SLC29A4: variants seen among roughly 807,000 people sequenced by gnomAD.
SLC29A4 encodes the protein solute carrier family 29 member 4, also known as equilibrative nucleoside transporter 4.
SLC29A4 carries 36 observed loss-of-function variants against 43.9 expected under a neutral mutation model. The observed-to-expected ratio is 0.82, with a 90% CI of 0.63 to 1.08. SLC29A4 has a LOEUF of 1.08. Among genes scored for constraint, SLC29A4 ranks in the 50% least tolerant of loss-of-function variants. SLC29A4 has a pLI of 0.00. For synonymous variants in SLC29A4, 491 were observed against 338.0 expected, an observed-to-expected ratio of 1.45 and a Z score of -4.97; for missense variants, 869 against 755.3, an observed-to-expected ratio of 1.15 and a Z score of -1.77.
Position 5,300,640 on chromosome 7 carries a change from C to T in SLC29A4, c.1428C>T (p.Ser476=), listed in dbSNP as rs1303834396. Residue 476 remains serine, a synonymous_variant, in exon 10 of 11, where the codon AGC becomes AGT. Coordinates refer to ENST00000396872, the MANE Select transcript of SLC29A4 (RefSeq NM_153247.4). Reference sequence around the variant, plus strand: ...TGATCCTGGCGGCAGGCAAAGTGAGCCCCAAGCAGCGGGAGCTGGCAGGTG... The same window carrying T: ...TGATCCTGGCGGCAGGCAAAGTGAGTCCCAAGCAGCGGGAGCTGGCAGGTG... The part of the protein sequence containing the change: ...VPMILAAGKV[S]PKQRELAGNT... The T allele has an allele frequency of 4.4e-6, 7 of 1,609,038 alleles. No homozygotes were observed. In the East Asian group the frequency reaches 8.9e-5, roughly 21 times the overall value.
rs759074721 is a variant in SLC29A4, at chr7:5,299,190, G to GCCC, written c.1022-49_1022-48insCCC. On this transcript the variant is annotated intron_variant, in intron 8 of 10. Transcript: ENST00000396872. ...CCCAGGCAGGGGGTGGGGGAGGCAG[G>GCCC]CAGGGGTCCCCGTGGGCGCTGCCTC... 7 of 1,598,724 alleles carry GCCC rather than the reference G, an allele frequency of 4.4e-6. No individual in the cohort carries two copies. In the East Asian group the frequency reaches 1.6e-4, roughly 36 times the overall value.
intron 9 of SLC29A4, among the ~76,000 whole-genome samples, chr7:5,299,673 G>A (rs576823202): frequency 4.3e-4 from 65 of 152,326 alleles, no homozygotes; most frequent in Non-Finnish European, 7.5e-4. Context: ...TCACCCTCTC[G>A]CCTCACGATC....
intron 1 of SLC29A4, among the ~76,000 whole-genome samples, chr7:5,283,496 G>A (rs948096564): frequency 6.6e-6 from 1 of 152,168 alleles, no homozygotes; most frequent in African/African-American, 2.4e-5. Flanking sequence ...CGGCCCAGGG[G>A]GTCTGTCCTT....
intron 1 of SLC29A4, among the ~76,000 whole-genome samples, chr7:5,285,965 G>A (rs1784917928): frequency 6.6e-6 from 1 of 152,136 alleles, no homozygotes. Context: ...AGTTGTGATC[G>A]CGCCACTGCA....
chr7:5,301,262 G>A (rs59091996), intron 10 of SLC29A4, among the ~76,000 whole-genome samples: 40,542 of 115,552 alleles, frequency 0.35, 6,225 homozygotes, highest in South Asian at 0.6. Context: ...CCTGTCTGGG[G>A]AAAAAAAAAA....
In SLC29A4 at chr7:5,299,265, G is replaced by C; in HGVS notation, c.1047G>C (p.Val349=). 2 of 1,612,248 alleles carry C rather than the reference G, an allele frequency of 1.2e-6. No individual in the cohort carries two copies. The highest frequency in any genetic ancestry group is 1.1e-5 in the South Asian group (1 of 91,030). The part of the protein sequence containing the change: ...FRALLLHRYV[V]ARVIWADMLS... The stretch of plus-strand genomic sequence containing the variant: ...CCCTGTTACTGCACCGCTACGTGGT[G>C]GCGCGGGTGATCTGGGCCGACATGC... Residue 349 remains valine, a synonymous_variant, in exon 9 of 11, where the codon GTG becomes GTC. Transcript: ENST00000396872.
chr7:5,292,848 G>A (rs1785394780), intron 5 of SLC29A4, among the ~76,000 whole-genome samples: 2 of 151,260 alleles, frequency 1.3e-5, no homozygotes, highest in African/African-American at 4.9e-5. Context: ...ACAGGTGCCC[G>A]CCACCATGCC....
In SLC29A4 at chr7:5,306,655, G is replaced by GC. The variant is rs1786529891; in HGVS notation, c.*3717dup. 6.6e-6 allele frequency: 1 copy of GC among 152,158 alleles called. No individual in the cohort carries two copies. The highest frequency in any genetic ancestry group is 1.5e-5 in the Non-Finnish European group (1 of 68,036). The allele number at this position is 152,158 out of a possible 1,614,324, so 9.4% of individuals were successfully genotyped here. A position where few individuals can be genotyped will look rare whatever the true frequency, so the allele number is the denominator to read the frequency against. ...AGCCGATGAGCTCATTTAGATGGCT[G>GC]CATGGGGTCACCGCCCCTGCACGCG... is the stretch of plus-strand genomic sequence containing the variant. On this transcript the variant is annotated 3_prime_UTR_variant, in exon 11 of 11. Transcript: ENST00000396872.
At chr7:5,297,299 C>T (rs1189923899) in intron 7 of SLC29A4, 101 bp downstream of exon 7, 5 of 1,336,102 alleles carry the variant, frequency 3.7e-6, no homozygotes, top group Middle Eastern at 2.4e-4. Context: ...ACCTGCATCC[C>T]AGACTGTGGT....
At chr7:5,299,985 GA>G (rs2128092255) in intron 9 of SLC29A4, among the ~76,000 whole-genome samples, 1 of 152,340 alleles carries the variant, frequency 6.6e-6, no homozygotes, top group South Asian at 2.1e-4. Flanking sequence ...CCAGGAGGTG[GA>G]GGGTGTAGTG....
At chr7:5,293,711 C>T (rs1785459846) in intron 5 of SLC29A4, among the ~76,000 whole-genome samples, 1 of 152,140 alleles carries the variant, frequency 6.6e-6, no homozygotes, top group South Asian at 2.1e-4. Context: ...GTGGTGGGAT[C>T]ATGGTTCACT....
chr7:5,287,244 A>G (rs1466264466), intron 1 of SLC29A4, among the ~76,000 whole-genome samples: 3 of 152,008 alleles, frequency 2.0e-5, no homozygotes, highest in South Asian at 2.1e-4. Flanking sequence ...GAGACCCCCA[A>G]CTCTACAAAA....
At chr7:5,302,537 T>A (rs564686854) in intron 10 of SLC29A4, among the ~76,000 whole-genome samples, 5 of 152,176 alleles carry the variant, frequency 3.3e-5, no homozygotes, top group African/African-American at 9.6e-5. Context: ...AGCAAGACCT[T>A]GTCTTTAAAT....
At position 5,306,285 on chromosome 7, in the gene SLC29A4, G is replaced by C. The variant is rs900486431; in HGVS notation, c.*3346G>C. ...TCTCAACTCACTGCAACCTCCACCC[G>C]CCGGGTCCCTGTGATTTTCCCACCT... On this transcript the variant is annotated 3_prime_UTR_variant, in exon 11 of 11. Coordinates refer to ENST00000396872, the MANE Select transcript of SLC29A4 (RefSeq NM_153247.4). 8.4e-6 allele frequency: 1 copy of C among 118,752 alleles called. No individual in the cohort carries two copies. The allele number at this position is 118,752 out of a possible 1,614,324, so 7.4% of individuals were successfully genotyped here.
Position 5,301,261 on chromosome 7 carries a change from G to GAA in SLC29A4, c.1450+599_1450+600insAA, listed in dbSNP as rs369876573. Among the ~76,000 whole-genome samples the GAA allele has an allele frequency of 9.7e-4, 142 of 146,240 alleles. 1 individual carries two copies. The highest frequency in any genetic ancestry group is 6.6e-3 in the South Asian group (30 of 4,572). ...GGTGACAGAGCAAGATCCTGTCTGG[G>GAA]GAAAAAAAAAAAAAAAATCCCAGAT... On this transcript the variant is annotated intron_variant, in intron 10 of 10. Coordinates refer to ENST00000396872, the MANE Select transcript of SLC29A4 (RefSeq NM_153247.4).
rs771009182 is a variant in SLC29A4 at position 5,300,623 on chromosome 7, G to A, written c.1411G>A (p.Ala471Thr). The A allele has an allele frequency of 6.2e-7, 1 of 1,610,274 alleles. No homozygotes were observed. Among genetic ancestry groups the A allele is most frequent in the Non-Finnish European group, 8.5e-7 (1 of 1,178,774 alleles). ...CTTCGGCAGCGTGCCCATGATCCTGGCGGCAGGCAAAGTGAGCCCCAAGCA... is the reference window on the plus strand; with the variant it reads ...CTTCGGCAGCGTGCCCATGATCCTGACGGCAGGCAAAGTGAGCCCCAAGCA... The part of the protein sequence containing the change: ...GYFGSVPMIL[A>T]AGKVSPKQRE... The change falls in exon 10 of 11, where the codon GCG (alanine) becomes ACG (threonine). Residue 471 changes from alanine to threonine, a missense_variant. By Grantham distance (58) the Ala-to-Thr change is moderately conservative. Transcript: ENST00000396872.
intron 1 of SLC29A4, among the ~76,000 whole-genome samples, chr7:5,284,872 G>A (rs978220086): frequency 3.3e-5 from 5 of 152,324 alleles, no homozygotes; most frequent in East Asian, 3.9e-4. Context: ...CGTGGCCTCC[G>A]GGCAAGGCAG....
Position 5,305,115 on chromosome 7 carries a change from C to G in SLC29A4, c.*2176C>G, listed in dbSNP as rs532156312. 6.6e-6 allele frequency: 1 copy of G among 152,318 alleles called. No homozygotes were observed. Among genetic ancestry groups the G allele is most frequent in the Non-Finnish European group, 1.5e-5 (1 of 68,104 alleles). 9.4% of individuals were successfully genotyped at this position (152,318 alleles called of 1,614,324 possible). A position where few individuals can be genotyped will look rare whatever the true frequency, so the allele number is the denominator to read the frequency against. ...ACAGGTATGAGTCACTGCGCCTGGCCTGTTCTGTCCTTAGCTTCCCCAAGG... is the reference window on the plus strand; with the variant it reads ...ACAGGTATGAGTCACTGCGCCTGGCGTGTTCTGTCCTTAGCTTCCCCAAGG... On this transcript the variant is annotated 3_prime_UTR_variant, in exon 11 of 11. Coordinates refer to ENST00000396872, the MANE Select transcript of SLC29A4 (RefSeq NM_153247.4).
chr7:5,298,419 G>T (rs1785867612), intron 7 of SLC29A4, among the ~76,000 whole-genome samples: 1 of 152,140 alleles, frequency 6.6e-6, no homozygotes, highest in African/African-American at 2.4e-5. Flanking sequence ...GGTCATAGGG[G>T]ACCAGATGCT....
Sources: allele counts gnomAD v4.1 joint callset (sites outside exome capture counted in the v4.1 genomes callset), GRCh38; gene constraint gnomAD v4.1.1; transcripts MANE v1.5; gene names NCBI Gene and HGNC (gene_info 2026-07-23, HGNC 2026-07-21).